The following HPS3 variants were observed in gnomAD, a reference collection of about 807,000 sequenced individuals.
The protein encoded by HPS3 is BLOC-2 complex member HPS3.
A neutral mutation model predicts 110.9 loss-of-function variants in HPS3; 79 were observed. That is an observed-to-expected ratio of 0.71 (90% CI 0.59 to 0.86). HPS3 has a LOEUF of 0.86. Among genes scored for constraint, HPS3 ranks in the 40% least tolerant of loss-of-function variants. The pLI is 0.00. For missense variants in HPS3, 1,197 were observed against 1,206.2 expected (o/e 0.99, Z 0.11); for synonymous variants, 428 against 451.0 (o/e 0.95, Z 0.65).
chr3:149,160,112 T>G lies in HPS3; in HGVS notation c.1939T>G (p.Cys647Gly). 1 of 1,613,968 alleles carries G rather than the reference T, an allele frequency of 6.2e-7. No homozygotes were observed. Residue 647 changes from cysteine (C) to glycine (G), a missense_variant, in exon 11 of 17, where the codon TGT (cysteine) becomes GGT (glycine). Physicochemically the swap from Cys to Gly is radical, Grantham distance 159. Transcript: ENST00000296051. ...GCCAAAGCAAGTGCCCCATATTCTC[T>G]GTAGTCCTTCTATGAAGAATATTAA... ...AEPKQVPHILCSPSMKNINPL... is the reference protein window; with the variant it reads ...AEPKQVPHILGSPSMKNINPL...
chr3:149,137,302 G>A (rs1458260860), intron 1 of HPS3, among the ~76,000 whole-genome samples: 2 of 152,178 alleles, frequency 1.3e-5, no homozygotes, highest in African/African-American at 4.8e-5. Context: ...TAGTATGCCT[G>A]TTATTAATAA....
In HPS3 at chr3:149,163,897, C is replaced by A. The variant is rs766512956; in HGVS notation, c.2537C>A (p.Ser846Ter). The change falls in exon 14 of 17, where the codon TCA becomes TAA. Residue 846 changes from serine to a stop codon, truncating the protein, a stop_gained. Transcript: ENST00000296051. LOFTEE classifies it high-confidence loss of function. Reference protein sequence around the residue: ...LIYPWVHVVISSDSLADKNYT... With the variant: ...LIYPWVHVVI ...TATCCATGGGTTCACGTCGTAATAT[C>A]ATCTGATTCTTTAGCTGATAAAAAT... is the stretch of plus-strand genomic sequence containing the variant. 1 of 1,584,062 alleles carries A rather than the reference C, an allele frequency of 6.3e-7. No individual in the cohort carries two copies. The highest frequency in any genetic ancestry group is 1.1e-5 in the South Asian group (1 of 90,384).
In HPS3 at chr3:149,167,210, T is replaced by G. The variant is rs760647222; in HGVS notation, c.2766T>G (p.Tyr922Ter). Residue 922 changes from tyrosine to a stop codon, truncating the protein, a stop_gained, in exon 15 of 17, where the codon TAT (tyrosine) becomes TAG (stop). Coordinates refer to ENST00000296051, the MANE Select transcript of HPS3 (RefSeq NM_032383.5). LOFTEE classifies it high-confidence loss of function. Reference protein sequence around the residue: ...LERCPEAVIPYANHELKEENR... With the variant: ...LERCPEAVIP The stretch of plus-strand genomic sequence containing the variant: ...GATGCCCGGAGGCAGTCATTCCATA[T>G]GCTAATCATGAACTGAAAGAAGAGA... The G allele has an allele frequency of 3.1e-6, 5 of 1,613,678 alleles. No homozygotes were observed. In the South Asian group the frequency reaches 5.5e-5, roughly 18 times the overall value.
At chr3:149,134,932 G>C (rs1722000350) in intron 1 of HPS3, among the ~76,000 whole-genome samples, 1 of 152,130 alleles carries the variant, frequency 6.6e-6, no homozygotes. Flanking sequence ...GCTGACTCTG[G>C]CTATGATGGT....
intron 1 of HPS3, among the ~76,000 whole-genome samples, chr3:149,136,395 C>T (rs960089715): frequency 2.6e-5 from 4 of 152,072 alleles, no homozygotes; most frequent in Non-Finnish European, 5.9e-5. Context: ...GCACTGCACA[C>T]ATAAAGCTTA....
At chr3:149,169,921 G>A in intron 16 of HPS3, among the ~76,000 whole-genome samples, 1 of 152,146 alleles carries the variant, frequency 6.6e-6, no homozygotes, top group South Asian at 2.1e-4. Context: ...TAAGGGTACA[G>A]GTTTACATTT....
At chr3:149,144,270 C>T (rs950584290) in intron 4 of HPS3, among the ~76,000 whole-genome samples, 2 of 151,168 alleles carry the variant, frequency 1.3e-5, no homozygotes, top group East Asian at 3.9e-4. Context: ...GTAGTCCCAG[C>T]TACCTGGGAG....
At chr3:149,140,843 C>CT (rs1234240214) in intron 2 of HPS3, among the ~76,000 whole-genome samples, 174 bp from the exon 3 acceptor site, 2 of 152,216 alleles carry the variant, frequency 1.3e-5, no homozygotes, top group Non-Finnish European at 2.9e-5. Flanking sequence ...CCCTGTTGTA[C>CT]TTTATCAGTT....
chr3:149,161,508 CT>C (rs1203449055), intron 11 of HPS3, among the ~76,000 whole-genome samples: 16,731 of 104,324 alleles, frequency 0.16, 401 homozygotes, highest in South Asian at 0.2. Context: ...CCCCCACACC[CT>C]TTTTTTTTTT....
At chr3:149,165,168 A>G (rs978750055) in intron 14 of HPS3, among the ~76,000 whole-genome samples, 8 of 152,186 alleles carry the variant, frequency 5.3e-5, no homozygotes, top group Middle Eastern at 3.2e-3. Flanking sequence ...CATTTCACGA[A>G]TATTGCTTGA....
Position 149,160,221 on chromosome 3 carries a change from T to C in HPS3, c.2048T>C (p.Val683Ala). The change falls in exon 11 of 17, where the codon GTG becomes GCG. Residue 683 changes from valine (V) to alanine (A), a missense_variant. Physicochemically the swap from Val to Ala is moderately conservative, Grantham distance 64. Transcript: ENST00000296051. ...TTAGTGACATTGACCAAGGCAGCAG[T>C]GGCTCTGAAAATGGGAGATCTTGAC... ...SILVTLTKAA[V>A]ALKMGDLDMH... The C allele has an allele frequency of 6.2e-7, 1 of 1,613,928 alleles. No individual in the cohort carries two copies. Among genetic ancestry groups the C allele is most frequent in the Non-Finnish European group, 8.5e-7 (1 of 1,179,878 alleles).
chr3:149,160,388 T>G (rs1723711315), intron 11 of HPS3, 109 bp downstream of exon 11: 1 of 764,462 alleles, frequency 1.3e-6, no homozygotes, highest in Non-Finnish European at 2.3e-6. Flanking sequence ...TTGGTTGTAA[T>G]GGAAAACAGA....
In HPS3 at chr3:149,140,062, G is replaced by C; in HGVS notation, c.276G>C (p.Val92=). The C allele has an allele frequency of 1.2e-6, 2 of 1,612,824 alleles. No homozygotes were observed. Among genetic ancestry groups the C allele is most frequent in the Non-Finnish European group, 1.7e-6 (2 of 1,179,456 alleles). The change falls in exon 2 of 17, where the codon GTG becomes GTC. Residue 92 remains valine, a synonymous_variant. Coordinates refer to ENST00000296051, the MANE Select transcript of HPS3 (RefSeq NM_032383.5). ...AAGCTACATTTCTACGTGCTTATGT[G>C]AACTGGAGAAATAAAAGGACTGAAA... ...KNKATFLRAY[V]NWRNKRTENS...
chr3:149,166,437 A>G (rs1559926407), intron 14 of HPS3, among the ~76,000 whole-genome samples: 1 of 152,214 alleles, frequency 6.6e-6, no homozygotes, highest in Non-Finnish European at 1.5e-5. Flanking sequence ...TGCTCTTCCG[A>G]CAGTATTTCT....
At position 149,157,365 on chromosome 3, in the gene HPS3, A is replaced by G. The variant is rs1723518381; in HGVS notation, c.1525A>G (p.Thr509Ala). ...LYKEMVDYSN[T>A]YKTVKTQSCI... ...TTTTGTTTAGGTAGACTATAGCAATACCTATAAGACTGTCAAAACCCAGAG... is the reference window on the plus strand; with the variant it reads ...TTTTGTTTAGGTAGACTATAGCAATGCCTATAAGACTGTCAAAACCCAGAG... The change falls in exon 9 of 17, where the codon ACC becomes GCC. Residue 509 changes from threonine to alanine, a missense_variant. By Grantham distance (58) the Thr-to-Ala change is moderately conservative. Transcript: ENST00000296051. 1 of 1,613,604 alleles carries G rather than the reference A, an allele frequency of 6.2e-7. No homozygotes were observed. Among genetic ancestry groups the G allele is most frequent in the East Asian group, 2.2e-5 (1 of 44,882 alleles).
rs1476677077 is a variant in HPS3, at chr3:149,133,472, A to AT, written c.217+3537dup. 1.2e-4 allele frequency among the ~76,000 whole-genome samples: 18 copies of AT among 151,900 alleles called. No individual in the cohort carries two copies. In the South Asian group the frequency reaches 1.2e-3, roughly 11 times the overall value. On this transcript the variant is annotated intron_variant, in intron 1 of 16. Coordinates refer to ENST00000296051, the MANE Select transcript of HPS3 (RefSeq NM_032383.5). ...CGCTACCACTTGTGGCGAATTTTGT[A>AT]TTTTTAGTAGAGATGGGGTTTCTCC...
At chr3:149,141,826 C>A (rs559986762) in intron 4 of HPS3, among the ~76,000 whole-genome samples, 18 of 151,726 alleles carry the variant, frequency 1.2e-4, no homozygotes, top group Non-Finnish European at 2.1e-4. Flanking sequence ...TGAGCCACCA[C>A]ACCCGACCTC....
chr3:149,150,790 G>T (rs1304159259), intron 6 of HPS3, 110 bp downstream of exon 6: 2 of 842,740 alleles, frequency 2.4e-6, no homozygotes, highest in African/African-American at 1.7e-5. Context: ...AGAGCTTAAG[G>T]TTGTCTAATG....
At chr3:149,159,640 G>A (rs1723667563) in intron 10 of HPS3, among the ~76,000 whole-genome samples, 1 of 152,104 alleles carries the variant, frequency 6.6e-6, no homozygotes, top group African/African-American at 2.4e-5. Context: ...AGAAATTGTG[G>A]TATCAAATGT....
Sources: gnomAD v4.1 joint callset for allele counts (sites outside exome capture counted in the v4.1 genomes callset) on GRCh38, gnomAD v4.1.1 for gene constraint, MANE v1.5 for transcripts, NCBI Gene and HGNC (gene_info 2026-07-23, HGNC 2026-07-21) for gene names.